Variants in CCDC187 observed in about 807,000 individuals in gnomAD.
CCDC187 encodes the protein coiled-coil domain-containing protein 187.
CCDC187 carries 32 observed loss-of-function variants against 38.0 expected under a neutral mutation model. The ratio of observed to expected loss-of-function variants is 0.84; its 90% confidence interval spans 0.64 to 1.13. The LOEUF is 1.13. CCDC187 is among the 50% of genes most tolerant of loss of function. The pLI is 0.00. For synonymous variants in CCDC187, 333 were observed against 347.9 expected (o/e 0.96, Z 0.48); for missense variants, 707 against 786.8 (o/e 0.90, Z 1.21).
At chr9:136,290,109 G>C (rs891886907) in intron 6 of CCDC187, 56 bp from the exon 7 acceptor site, 1 of 398,410 alleles carries the variant, frequency 2.5e-6, no homozygotes, top group African/African-American at 2.1e-5. Flanking sequence ...CACACGCCCC[G>C]TTCTCTCAGC....
At chr9:136,299,649 C>T (rs1324515919) in intron 3 of CCDC187, among the ~76,000 whole-genome samples, 2 of 152,198 alleles carry the variant, frequency 1.3e-5, no homozygotes, top group African/African-American at 4.8e-5. Flanking sequence ...CCTCCAGCCC[C>T]CAGAAGCAGC....
chr9:136,255,347 G>A (rs1830599157), intron 25 of CCDC187, among the ~76,000 whole-genome samples: 1 of 152,192 alleles, frequency 6.6e-6, no homozygotes, highest in South Asian at 2.1e-4. Context: ...ATGTCCAGGG[G>A]CCTTGCCGAG....
intron 9 of CCDC187, among the ~76,000 whole-genome samples, chr9:136,283,491 G>T (rs1411908841): frequency 1.1e-4 from 16 of 152,248 alleles, no homozygotes; most frequent in Admixed American, 1.0e-3. Flanking sequence ...GAGCCTCTGA[G>T]CCTCTCCCTA....
Position 136,252,137 on chromosome 9 carries a change from T to TG in CCDC187, c.*1456dup, listed in dbSNP as rs1830550437. 1.2e-5 allele frequency: 1 copy of TG among 80,870 alleles called. No individual in the cohort carries two copies. Among genetic ancestry groups the TG allele is most frequent in the African/African-American group, 4.7e-5 (1 of 21,198 alleles). 5.0% of individuals were successfully genotyped at this position (80,870 alleles called of 1,614,324 possible). A position where few individuals can be genotyped will look rare whatever the true frequency, so the allele number is the denominator to read the frequency against. ...CGTCCCGCAGAGCCGGCGCCCACCC[T>TG]GTCCACCAGGGGAAGAGCCGGCCGC... On this transcript the variant is annotated 3_prime_UTR_variant, in exon 26 of 26. Coordinates refer to ENST00000638797, the MANE Select transcript of CCDC187 (RefSeq NM_001378188.1).
At chr9:136,284,634 C>T (rs1367330764) in intron 9 of CCDC187, among the ~76,000 whole-genome samples, 1 of 151,938 alleles carries the variant, frequency 6.6e-6, no homozygotes, top group Non-Finnish European at 1.5e-5. Flanking sequence ...GGCCAGGAGG[C>T]CCTGGACAGG....
At position 136,260,112 on chromosome 9, in the gene CCDC187, T is replaced by G; in HGVS notation, c.4210+7A>C. On this transcript the variant is annotated splice_region_variant and intron_variant, in intron 20 of 25. Coordinates refer to ENST00000638797, the MANE Select transcript of CCDC187 (RefSeq NM_001378188.1). ...GACCCTGGGCGGTCGCCGCGGCTGC[T>G]CATTACCTTGACTGACATGGCTGCC... 1 of 985,334 alleles carries G rather than the reference T, an allele frequency of 1.0e-6. No individual in the cohort carries two copies. The highest frequency in any genetic ancestry group is 1.2e-6 in the Non-Finnish European group (1 of 829,942). 61.0% of individuals were successfully genotyped at this position (985,334 alleles called of 1,614,324 possible).
chr9:136,281,880 CGGGAGGCAGGGGTGAGT>C (rs1831052581), intron 9 of CCDC187, among the ~76,000 whole-genome samples: 1 of 151,944 alleles, frequency 6.6e-6, no homozygotes, highest in Non-Finnish European at 1.5e-5. Flanking sequence ...CAGGGGTGAG[CGGGAGGCAGGGGTGAGT>C]GGGTGGGGCC....
intron 2 of CCDC187, among the ~76,000 whole-genome samples, chr9:136,301,300 T>C (rs908003409): frequency 3.6e-4 from 55 of 151,668 alleles, no homozygotes; most frequent in African/African-American, 1.3e-3. Context: ...TACGAAAACA[T>C]GCACTGCCTT....
rs1831296127 is a variant in CCDC187 at position 136,290,514 on chromosome 9, G to A, written c.2099C>T (p.Thr700Ile). ...VVSRTTPGIVTFVPSSAQSGG... is the reference protein window; with the variant it reads ...VVSRTTPGIVIFVPSSAQSGG... ...GGACTGTGCAGAACTGGGGACAAAG[G>A]TCACGATGCCAGGGGTGGTCCGGGA... The change falls in exon 6 of 26, where the codon ACC (threonine) becomes ATC (isoleucine). Residue 700 changes from threonine (T) to isoleucine (I), a missense_variant. By Grantham distance (89) the Thr-to-Ile change is moderately conservative (BLOSUM62 -1). Coordinates refer to ENST00000638797, the MANE Select transcript of CCDC187 (RefSeq NM_001378188.1). The A allele has an allele frequency of 2.5e-6, 1 of 398,648 alleles. No homozygotes were observed. Among genetic ancestry groups the A allele is most frequent in the African/African-American group, 2.1e-5 (1 of 48,750 alleles). 24.7% of individuals were successfully genotyped at this position (398,648 alleles called of 1,614,324 possible). A position where few individuals can be genotyped will look rare whatever the true frequency, so the allele number is the denominator to read the frequency against.
At chr9:136,293,320 CTCACAT>C (rs1255583056) in intron 4 of CCDC187, among the ~76,000 whole-genome samples, 21 of 149,956 alleles carry the variant, frequency 1.4e-4, no homozygotes, top group East Asian at 4.0e-4. Context: ...CACACTCACA[CTCACAT>C]GCTTACACAC....
chr9:136,293,533 A>G (rs1204495182), intron 4 of CCDC187, among the ~76,000 whole-genome samples: 1 of 144,276 alleles, frequency 6.9e-6, no homozygotes, highest in Non-Finnish European at 1.5e-5. Context: ...ATACACGCTT[A>G]CACACTCACA....
rs919078880 is a variant in CCDC187, at chr9:136,291,062, A to C, written c.1551T>G (p.Pro517=). The C allele has an allele frequency of 1.0e-5, 4 of 398,254 alleles. No individual in the cohort carries two copies. The highest frequency in any genetic ancestry group is 1.8e-5 in the Non-Finnish European group (4 of 226,122). 24.7% of individuals were successfully genotyped at this position (398,254 alleles called of 1,614,324 possible). A position where few individuals can be genotyped will look rare whatever the true frequency, so the allele number is the denominator to read the frequency against. ...AQRQGPSSQR[P]GSPPEKRSPF... is the part of the protein sequence containing the mutation. ...GGCTCCGCTTTTCAGGGGGGCTCCCAGGCCTCTGGGAGGAGGGGCCCTGTC... is the reference window on the plus strand; with the variant it reads ...GGCTCCGCTTTTCAGGGGGGCTCCCCGGCCTCTGGGAGGAGGGGCCCTGTC... The change falls in exon 6 of 26, where the codon CCT becomes CCG. Residue 517 remains proline (P), a synonymous_variant. Coordinates refer to ENST00000638797, the MANE Select transcript of CCDC187 (RefSeq NM_001378188.1).
chr9:136,291,987 C>G (rs1292371081), intron 5 of CCDC187, among the ~76,000 whole-genome samples, 174 bp downstream of exon 5: 1 of 152,222 alleles, frequency 6.6e-6, no homozygotes, highest in African/African-American at 2.4e-5. Context: ...ACACTTATTG[C>G]CCAAAGTCCC....
chr9:136,267,390 C>A lies in CCDC187; in HGVS notation c.3641G>T (p.Arg1214Leu), dbSNP rs1262814171. ...TLAELAWLEH[R>L]RGCLDSKRDR... is the part of the protein sequence containing the mutation. Reference sequence around the variant, plus strand: ...GCCAGGCGCATGCGCTCACCCTCGTCGATGCTCCAGCCAGGCCAGCTCCGC... The same window carrying A: ...GCCAGGCGCATGCGCTCACCCTCGTAGATGCTCCAGCCAGGCCAGCTCCGC... Residue 1214 changes from arginine to leucine, a missense_variant, in exon 16 of 26, where the codon CGA (arginine) becomes CTA (leucine). Transcript: ENST00000638797. 8.1e-6 allele frequency: 8 copies of A among 985,554 alleles called. No homozygotes were observed. Among genetic ancestry groups the A allele is most frequent in the Non-Finnish European group, 9.6e-6 (8 of 830,060 alleles). The allele number at this position is 985,554 out of a possible 1,614,324, so 61.1% of individuals were successfully genotyped here.
rs1830575756 is a variant in CCDC187, at chr9:136,253,626, GA to G, written c.6201del (p.Pro2068LeufsTer99). ...LSEESLPEGL[F>X]PGPQGSAGTQ is the part of the protein sequence containing the mutation. The stretch of plus-strand genomic sequence containing the variant: ...GTTCCCGCCGACCCCTGGGGCCCAG[GA>G]AACAGTCCCTCCGGCAGACTCTCCT... On this transcript the variant is annotated frameshift_variant, in exon 26 of 26. Coordinates refer to ENST00000638797, the MANE Select transcript of CCDC187 (RefSeq NM_001378188.1). LOFTEE classifies it high-confidence loss of function. 2.0e-6 allele frequency: 2 copies of G among 985,436 alleles called. No homozygotes were observed. Among genetic ancestry groups the G allele is most frequent in the Non-Finnish European group, 2.4e-6 (2 of 830,016 alleles). The allele number at this position is 985,436 out of a possible 1,614,324, so 61.0% of individuals were successfully genotyped here.
rs782389427 is a variant in CCDC187 at position 136,257,875 on chromosome 9, G to A, written c.4367-1034C>T. Among the ~76,000 whole-genome samples the A allele has an allele frequency of 7.2e-5, 11 of 152,174 alleles. No individual in the cohort carries two copies. The highest frequency in any genetic ancestry group is 9.7e-5 in the African/African-American group (4 of 41,440). On this transcript the variant is annotated intron_variant, in intron 22 of 25. Transcript: ENST00000638797. The surrounding 1 kb of genome is among the most constrained non-coding windows in gnomAD (Gnocchi z 4.5). ...TTTTGATCAGAGAGCGGCCGGCACCGCAGTCAGGCAGACTCAGGGTGAACC... is the reference window on the plus strand; with the variant it reads ...TTTTGATCAGAGAGCGGCCGGCACCACAGTCAGGCAGACTCAGGGTGAACC...
chr9:136,294,060 GCT>G (rs1444900395), intron 4 of CCDC187, among the ~76,000 whole-genome samples: 1 of 134,064 alleles, frequency 7.5e-6, no homozygotes, highest in Non-Finnish European at 1.6e-5. Flanking sequence ...CCTCACATGT[GCT>G]CTCACACACT....
At chr9:136,288,582 C>A (rs1302866452) in intron 7 of CCDC187, among the ~76,000 whole-genome samples, 1 of 152,210 alleles carries the variant, frequency 6.6e-6, no homozygotes, top group Non-Finnish European at 1.5e-5. Context: ...AGAGTGTTTG[C>A]CACTGGCCTG....
chr9:136,285,658 ACGGGG>A (rs1831161800), intron 8 of CCDC187, 52 bp from the exon 9 acceptor site: 1 of 399,494 alleles, frequency 2.5e-6, no homozygotes. Context: ...GGAGCACGGG[ACGGGG>A]GACCCAAGCC....
Sources: gnomAD v4.1 joint callset for allele counts (sites outside exome capture counted in the v4.1 genomes callset) on GRCh38, gnomAD v4.1.1 for gene constraint, Gnocchi (gnomAD v3.1) non-coding constraint, MANE v1.5 for transcripts, NCBI Gene and HGNC (gene_info 2026-07-23, HGNC 2026-07-21) for gene names.